The following CIMIP4 variants were observed in gnomAD, a reference collection of about 807,000 sequenced individuals.
CIMIP4 encodes the protein ciliary microtubule inner protein 4.
the CIMIP4 span, chr22:36,999,731 G>A: frequency 7.3e-7 from 1 of 1,366,308 alleles, no homozygotes; most frequent in Non-Finnish European, 9.9e-7. Context: ...TTGAAGATGT[G>A]CCCTGGGGTC....
the CIMIP4 span, chr22:36,991,373 C>T: frequency 9.0e-6 from 14 of 1,550,142 alleles, no homozygotes; most frequent in Non-Finnish European, 1.2e-5. Context: ...CTTCCAAGTC[C>T]ACCCCGGCTC....
chr22:36,997,999 A>T, the CIMIP4 span, among the ~76,000 whole-genome samples: 2 of 152,224 alleles, frequency 1.3e-5, no homozygotes, highest in Non-Finnish European at 2.9e-5. Context: ...AGCATGGCCA[A>T]TTTTAAGACA....
chr22:37,007,759 C>G, the CIMIP4 span: 1 of 152,254 alleles, frequency 6.6e-6, no homozygotes, highest in African/African-American at 2.4e-5. Context: ...CAGCAGGAAA[C>G]ACGTGAACCA....
At chr22:36,994,832 T>A in the CIMIP4 span, among the ~76,000 whole-genome samples, 3 of 151,874 alleles carry the variant, frequency 2.0e-5, no homozygotes, top group African/African-American at 7.3e-5. Flanking sequence ...GGGTTTCACC[T>A]TGTTAGCCAG....
At chr22:37,002,020 CGAG>C in the CIMIP4 span, 16 of 1,612,132 alleles carry the variant, frequency 9.9e-6, no homozygotes, top group South Asian at 1.5e-4. Context: ...TGTTCTCTCT[CGAG>C]GAGGATCGAG....
At chr22:36,996,193 T>A in the CIMIP4 span, among the ~76,000 whole-genome samples, 17 of 151,806 alleles carry the variant, frequency 1.1e-4, no homozygotes, top group Non-Finnish European at 1.9e-4. Context: ...CAGAATAAAA[T>A]ATATATATAA....
chr22:36,999,895 G>A, the CIMIP4 span: 25 of 1,613,868 alleles, frequency 1.5e-5, 1 homozygote, highest in South Asian at 7.7e-5. Context: ...CTGAGAAGAC[G>A]GAGGAGATTT....
chr22:36,998,460 C>G, the CIMIP4 span, among the ~76,000 whole-genome samples: 31,160 of 151,832 alleles, frequency 0.21, 3,470 homozygotes, highest in East Asian at 0.53. Flanking sequence ...ATACCAGAAA[C>G]AGCCTCATTT....
At chr22:36,999,269 C>T in the CIMIP4 span, among the ~76,000 whole-genome samples, 3 of 122,474 alleles carry the variant, frequency 2.4e-5, no homozygotes, top group East Asian at 7.3e-4. Flanking sequence ...CCAGCCTGGG[C>T]AATATGGTGA....
chr22:36,991,428 C>T, the CIMIP4 span: 1 of 1,588,834 alleles, frequency 6.3e-7, no homozygotes. Context: ...GCCAACACAC[C>T]CTGCTGGTGG....
At chr22:37,005,888 G>T in the CIMIP4 span, among the ~76,000 whole-genome samples, 1 of 152,196 alleles carries the variant, frequency 6.6e-6, no homozygotes, top group South Asian at 2.1e-4. Context: ...GATCCCAAAA[G>T]ATGCTAAAAT....
the CIMIP4 span, among the ~76,000 whole-genome samples, chr22:37,000,635 G>T: frequency 6.6e-6 from 1 of 152,340 alleles, no homozygotes; most frequent in Admixed American, 6.5e-5. Context: ...GATGGTCTTT[G>T]AAGTGGCTTC....
chr22:36,991,151 A>G, the CIMIP4 span: 4 of 1,602,124 alleles, frequency 2.5e-6, no homozygotes, highest in South Asian at 2.2e-5. Context: ...ACTTTATTTG[A>G]GTAGAAGACA....
At chr22:37,001,241 G>T in the CIMIP4 span, among the ~76,000 whole-genome samples, 1 of 151,646 alleles carries the variant, frequency 6.6e-6, no homozygotes, top group Admixed American at 6.6e-5. Flanking sequence ...TGCAGGCTGG[G>T]AGGGTTGTGA....
chr22:36,998,679 A>G, the CIMIP4 span, among the ~76,000 whole-genome samples: 30,732 of 152,030 alleles, frequency 0.2, 3,457 homozygotes, highest in East Asian at 0.53. Context: ...TCTAAGGCAA[A>G]TGATCTGAAA....
chr22:37,000,081 C>G, the CIMIP4 span: 1 of 1,447,128 alleles, frequency 6.9e-7, no homozygotes, highest in Non-Finnish European at 9.2e-7. Flanking sequence ...CTGCCCTCCC[C>G]ACCCCGATCC....
At chr22:37,004,192 C>G in the CIMIP4 span, among the ~76,000 whole-genome samples, 1 of 152,128 alleles carries the variant, frequency 6.6e-6, no homozygotes, top group Non-Finnish European at 1.5e-5. Flanking sequence ...ACCCACGGAG[C>G]CTCTGCCCCA....
At chr22:37,006,825 A>G in the CIMIP4 span, among the ~76,000 whole-genome samples, 2 of 152,344 alleles carry the variant, frequency 1.3e-5, no homozygotes, top group South Asian at 2.1e-4. Flanking sequence ...GAATGTGGCA[A>G]AAATGAGGGA....
At chr22:37,003,791 C>A in the CIMIP4 span, among the ~76,000 whole-genome samples, 2 of 152,162 alleles carry the variant, frequency 1.3e-5, no homozygotes, top group African/African-American at 2.4e-5. Flanking sequence ...CCGTTCCCTC[C>A]TTTTTCCTTC....
Sources: allele counts gnomAD v4.1 joint callset (sites outside exome capture counted in the v4.1 genomes callset), GRCh38; gene constraint gnomAD v4.1.1; transcripts MANE v1.5; gene names NCBI Gene and HGNC (gene_info 2026-07-23, HGNC 2026-07-21).